IQCM: variants seen among roughly 807,000 people sequenced by gnomAD.
IQCM encodes IQ motif containing M, also known as IQ domain-containing protein M.
IQCM carries 45 observed loss-of-function variants against 57.6 expected under a neutral mutation model. The observed-to-expected ratio is 0.78, with a 90% CI of 0.62 to 1.00. IQCM has a LOEUF of 1.00. Among genes scored for constraint, IQCM ranks in the 50% least tolerant of loss-of-function variants. The probability of loss-of-function intolerance (pLI) is 0.00; values close to 1 mark genes in which losing one functional copy is unlikely to be tolerated. For missense variants in IQCM, 468 were observed against 511.6 expected (o/e 0.91, Z 0.82); for synonymous variants, 148 against 158.9 (o/e 0.93, Z 0.51).
chr4:149,696,100 G>A (rs576872140), intron 5 of IQCM, among the ~76,000 whole-genome samples: 12 of 152,200 alleles, frequency 7.9e-5, no homozygotes, highest in African/African-American at 2.9e-4. Flanking sequence ...CTGGTTGTCT[G>A]CATATATTGT....
chr4:149,483,760 T>A (rs755306444), intron 12 of IQCM, among the ~76,000 whole-genome samples: 2 of 151,966 alleles, frequency 1.3e-5, no homozygotes, highest in Non-Finnish European at 1.5e-5. Flanking sequence ...TTGGATGAAA[T>A]GTTCTGTAAA....
At chr4:149,693,294 C>T (rs543463743) in intron 5 of IQCM, among the ~76,000 whole-genome samples, 10 of 152,320 alleles carry the variant, frequency 6.6e-5, no homozygotes, top group Non-Finnish European at 1.3e-4. Flanking sequence ...TGGTCCATGA[C>T]CTTGGCTATA....
At chr4:149,366,467 C>T (rs760608152) in intron 13 of IQCM, among the ~76,000 whole-genome samples, 1 of 151,834 alleles carries the variant, frequency 6.6e-6, no homozygotes, top group Non-Finnish European at 1.5e-5. Flanking sequence ...TGCTCCATTG[C>T]CTGTTTCTTG....
intron 13 of IQCM, among the ~76,000 whole-genome samples, chr4:149,416,685 T>C (rs1441112839): frequency 2.6e-5 from 4 of 152,064 alleles, no homozygotes; most frequent in African/African-American, 7.2e-5. Context: ...AGAGAAATGA[T>C]ATAATTTTAG....
chr4:149,764,647 T>G lies in IQCM; in HGVS notation c.-48-21908A>C, dbSNP rs1769865691. Among the ~76,000 whole-genome samples, 3 of 152,238 alleles carry G rather than the reference T, an allele frequency of 2.0e-5. No homozygotes were observed. In the South Asian group the frequency reaches 6.2e-4, roughly 32 times the overall value. ...TTTTCTCCTTTTAATTTGCCTTTTGTCAGTTGATTTTCAGCAAACTTTCAG... is the reference window on the plus strand; with the variant it reads ...TTTTCTCCTTTTAATTTGCCTTTTGGCAGTTGATTTTCAGCAAACTTTCAG... On this transcript the variant is annotated intron_variant, in intron 2 of 13. Coordinates refer to ENST00000636793, the MANE Select transcript of IQCM (RefSeq NM_001363507.2).
chr4:149,473,809 G>A (rs1461074290), intron 12 of IQCM, among the ~76,000 whole-genome samples: 1 of 152,142 alleles, frequency 6.6e-6, no homozygotes, highest in Non-Finnish European at 1.5e-5. Flanking sequence ...AAAATGATGA[G>A]TTCATGTCCT....
intron 12 of IQCM, among the ~76,000 whole-genome samples, chr4:149,520,846 GC>G (rs1745566971): frequency 6.6e-6 from 1 of 151,832 alleles, no homozygotes; most frequent in Non-Finnish European, 1.5e-5. Flanking sequence ...CTTCCACCTT[GC>G]CTCCTACTTT....
intron 12 of IQCM, among the ~76,000 whole-genome samples, chr4:149,502,149 T>TACAC (rs1399778831): frequency 7.0e-6 from 1 of 142,722 alleles, no homozygotes; most frequent in Non-Finnish European, 1.6e-5. Flanking sequence ...ATTATATATA[T>TACAC]ATACACACAC....
At chr4:149,468,725 A>T (rs192951949) in intron 12 of IQCM, among the ~76,000 whole-genome samples, 421 of 152,334 alleles carry the variant, frequency 2.8e-3, no homozygotes, top group African/African-American at 9.8e-3. Context: ...AACACCTCCC[A>T]GTAGGGGCCA....
At chr4:149,792,105 G>C (rs1036607729) in intron 2 of IQCM, among the ~76,000 whole-genome samples, 2 of 151,932 alleles carry the variant, frequency 1.3e-5, no homozygotes, top group Non-Finnish European at 2.9e-5. Flanking sequence ...TTGCAAAACT[G>C]GTTTGCTAAG....
rs544364700 is a variant in IQCM at position 149,441,883 on chromosome 4, C to T, written c.1229-8326G>A. 1.8e-4 allele frequency among the ~76,000 whole-genome samples: 28 copies of T among 152,138 alleles called. No homozygotes were observed. In the South Asian group the frequency reaches 5.4e-3, roughly 29 times the overall value. The stretch of plus-strand genomic sequence containing the variant: ...AGGTGATTGGGCCATGAGGGCACAG[C>T]CCTCATGGGTGGGATTAATGCCCTA... On this transcript the variant is annotated intron_variant, in intron 12 of 13. Transcript: ENST00000636793.
intron 13 of IQCM, among the ~76,000 whole-genome samples, chr4:149,402,650 T>C (rs1016943747): frequency 4.6e-5 from 7 of 151,758 alleles, no homozygotes; most frequent in Non-Finnish European, 1.0e-4. Context: ...GATCAATATA[T>C]TATAAACCAA....
intron 13 of IQCM, chr4:149,430,035 G>A: frequency 8.1e-7 from 1 of 1,227,578 alleles, no homozygotes; most frequent in Non-Finnish European, 1.0e-6. Context: ...GAAAACTGCA[G>A]AGAAAATAAA....
At chr4:149,568,308 C>T (rs1233957130) in intron 9 of IQCM, among the ~76,000 whole-genome samples, 2 of 152,146 alleles carry the variant, frequency 1.3e-5, no homozygotes, top group Non-Finnish European at 2.9e-5. Flanking sequence ...GTATGGGCTA[C>T]TGCCACCTCA....
At chr4:149,657,542 G>A (rs1449999178) in intron 7 of IQCM, among the ~76,000 whole-genome samples, 1 of 152,046 alleles carries the variant, frequency 6.6e-6, no homozygotes, top group African/African-American at 2.4e-5. Flanking sequence ...TTGATTGCTG[G>A]ATCATGTCAG....
chr4:149,429,698 A>T (rs1734691185), intron 13 of IQCM, among the ~76,000 whole-genome samples: 1 of 151,908 alleles, frequency 6.6e-6, no homozygotes, highest in Admixed American at 6.6e-5. Flanking sequence ...AAATTCCCAG[A>T]GCTATCTTCC....
chr4:149,783,258 A>G (rs571652584), intron 2 of IQCM, among the ~76,000 whole-genome samples: 1 of 152,282 alleles, frequency 6.6e-6, no homozygotes, highest in African/African-American at 2.4e-5. Context: ...ATGTCAATTC[A>G]TTTCTTCAAT....
intron 12 of IQCM, among the ~76,000 whole-genome samples, chr4:149,543,301 CA>C (rs1487254450): frequency 1.3e-5 from 2 of 151,834 alleles, no homozygotes; most frequent in Non-Finnish European, 2.9e-5. Flanking sequence ...TTGTTAAAAA[CA>C]ATATATTCAA....
At chr4:149,464,258 T>C (rs1024119208) in intron 12 of IQCM, among the ~76,000 whole-genome samples, 2 of 152,246 alleles carry the variant, frequency 1.3e-5, no homozygotes, top group African/African-American at 4.8e-5. Context: ...CTCTTAACGC[T>C]AGCTTAATCT....
Sources: gnomAD v4.1 joint callset for allele counts (sites outside exome capture counted in the v4.1 genomes callset) on GRCh38, gnomAD v4.1.1 for gene constraint, MANE v1.5 for transcripts, NCBI Gene and HGNC (gene_info 2026-07-23, HGNC 2026-07-21) for gene names.